The following SHC4 variants were observed in gnomAD, a reference collection of about 807,000 sequenced individuals.
SHC4 encodes the protein SHC-transforming protein 4.
SHC4 carries 41 observed loss-of-function variants against 69.4 expected under a neutral mutation model. That is an observed-to-expected ratio of 0.59 (90% CI 0.46 to 0.77). The LOEUF (loss-of-function observed/expected upper bound fraction) is 0.77, where lower values mean the gene tolerates loss of function less well. SHC4 is among the 30% of genes least tolerant of loss of function. The pLI is 0.00. For synonymous variants in SHC4, 318 were observed against 299.3 expected (o/e 1.06, Z -0.64); for missense variants, 777 against 783.8 (o/e 0.99, Z 0.10).
In SHC4 at chr15:48,851,239, A is replaced by C. The variant is rs1184824874; in HGVS notation, c.1252T>G (p.Ser418Ala). ...TTCTCATATACACTGCTGCACTTGG[A>C]GTTTCCAGGCTGCATGAACAACAAA... ...CEKLCYLPGN[S>A]KCSSVYENCL... The change falls in exon 9 of 12, where the codon TCC (serine) becomes GCC (alanine). Residue 418 changes from serine to alanine, a missense_variant. Physicochemically the swap from Ser to Ala is moderately conservative, Grantham distance 99. Coordinates refer to ENST00000332408, the MANE Select transcript of SHC4 (RefSeq NM_203349.4). 1 of 1,614,114 alleles carries C rather than the reference A, an allele frequency of 6.2e-7. No individual in the cohort carries two copies. The highest frequency in any genetic ancestry group is 1.7e-5 in the Admixed American group (1 of 60,022).
intron 8 of SHC4, 49 bp downstream of exon 8, chr15:48,855,904 A>T: frequency 1.9e-6 from 3 of 1,542,144 alleles, no homozygotes; most frequent in Non-Finnish European, 2.6e-6. Flanking sequence ...CTCTAGTGAT[A>T]AGGGCAGAAT....
In SHC4 at chr15:48,862,022, T is replaced by C. The variant is rs150715117; in HGVS notation, c.947-4207A>G. On this transcript the variant is annotated intron_variant, in intron 6 of 11. Coordinates refer to ENST00000332408, the MANE Select transcript of SHC4 (RefSeq NM_203349.4). ...TCAGGTCAACCACCAGATGGTGCTA[T>C]GGGATCAAAGCAGGGAGTCCTCCAT... 6.0e-3 allele frequency among the ~76,000 whole-genome samples: 917 copies of C among 152,258 alleles called. 6 individuals carry two copies. Among genetic ancestry groups the C allele is most frequent in the African/African-American group, 0.018 (763 of 41,538 alleles).
chr15:48,845,502 T>G (rs1454356270), intron 9 of SHC4, among the ~76,000 whole-genome samples: 1 of 152,196 alleles, frequency 6.6e-6, no homozygotes, highest in Non-Finnish European at 1.5e-5. Flanking sequence ...GATTTATAAG[T>G]TATATTATCT....
At chr15:48,867,974 T>C in intron 5 of SHC4, 105 bp from the exon 6 acceptor site, 2 of 874,714 alleles carry the variant, frequency 2.3e-6, no homozygotes, top group Non-Finnish European at 3.6e-6. Flanking sequence ...AATACAAATG[T>C]TTTTTATTTA....
intron 1 of SHC4, among the ~76,000 whole-genome samples, chr15:48,937,464 G>A (rs1901092223): frequency 6.6e-6 from 1 of 152,122 alleles, no homozygotes; most frequent in Non-Finnish European, 1.5e-5. Context: ...ATCTTTTGAT[G>A]TTTAAAGCTG....
chr15:48,910,995 A>G (rs1240477581), intron 2 of SHC4, among the ~76,000 whole-genome samples: 3 of 152,278 alleles, frequency 2.0e-5, no homozygotes, highest in Non-Finnish European at 2.9e-5. Context: ...CTCATGGTCT[A>G]TCTTGGAGAA....
chr15:48,840,668 C>T (rs1010323671), intron 10 of SHC4, among the ~76,000 whole-genome samples: 4 of 152,172 alleles, frequency 2.6e-5, no homozygotes, highest in African/African-American at 9.7e-5. Flanking sequence ...TATTACTAGA[C>T]AGGTGCTTTA....
chr15:48,851,025 G>A (rs1899203094), intron 9 of SHC4, among the ~76,000 whole-genome samples, 163 bp downstream of exon 9: 1 of 152,190 alleles, frequency 6.6e-6, no homozygotes, highest in African/African-American at 2.4e-5. Context: ...TGACACATAT[G>A]CAACATTCTG....
intron 1 of SHC4, among the ~76,000 whole-genome samples, chr15:48,934,771 G>A (rs1284390525): frequency 3.3e-5 from 5 of 152,134 alleles, no homozygotes; most frequent in Middle Eastern, 3.2e-3. Flanking sequence ...GCAATAAAAA[G>A]CGATCAAGTA....
chr15:48,928,397 G>T (rs1900894551), intron 1 of SHC4, among the ~76,000 whole-genome samples: 2 of 152,040 alleles, frequency 1.3e-5, no homozygotes, highest in African/African-American at 4.8e-5. Flanking sequence ...GGAAAGGAGA[G>T]TACAGAACAG....
intron 6 of SHC4, among the ~76,000 whole-genome samples, chr15:48,859,940 G>T (rs10851471): frequency 0.31 from 46,365 of 151,846 alleles, 8,310 homozygotes; most frequent in Middle Eastern, 0.48. Context: ...GGAGGGAGGA[G>T]AGAGGTTCAC....
At chr15:48,934,694 C>T (rs1034653392) in intron 1 of SHC4, among the ~76,000 whole-genome samples, 3 of 152,020 alleles carry the variant, frequency 2.0e-5, no homozygotes, top group African/African-American at 4.8e-5. Context: ...TAGAAATAAC[C>T]CAAATATCCA....
intron 1 of SHC4, among the ~76,000 whole-genome samples, chr15:48,956,060 C>G (rs1901448989): frequency 6.6e-6 from 1 of 152,152 alleles, no homozygotes; most frequent in Non-Finnish European, 1.5e-5. Context: ...GAGAGAAGAA[C>G]AGGGGAACGG....
intron 6 of SHC4, among the ~76,000 whole-genome samples, chr15:48,859,377 T>C (rs1166641698): frequency 6.6e-6 from 1 of 150,700 alleles, no homozygotes; most frequent in Non-Finnish European, 1.5e-5. Flanking sequence ...AATCAAACAA[T>C]GCTAAGGTAT....
chr15:48,916,862 A>C (rs186928323), intron 2 of SHC4, among the ~76,000 whole-genome samples: 1 of 152,238 alleles, frequency 6.6e-6, no homozygotes, highest in Non-Finnish European at 1.5e-5. Flanking sequence ...TACAAGTTAC[A>C]TGTGTAAGGC....
At chr15:48,886,710 A>G (rs1595745889) in intron 3 of SHC4, among the ~76,000 whole-genome samples, 1 of 152,374 alleles carries the variant, frequency 6.6e-6, no homozygotes, top group African/African-American at 2.4e-5. Flanking sequence ...GGAAATGCAT[A>G]GTATACAGCG....
chr15:48,893,560 G>A (rs1055654169), intron 2 of SHC4, among the ~76,000 whole-genome samples: 4 of 152,124 alleles, frequency 2.6e-5, no homozygotes, highest in African/African-American at 4.8e-5. Context: ...CCCTGGATCC[G>A]ATAATTCACA....
At chr15:48,845,751 C>T (rs901466111) in intron 9 of SHC4, among the ~76,000 whole-genome samples, 2 of 151,930 alleles carry the variant, frequency 1.3e-5, no homozygotes, top group African/African-American at 4.8e-5. Flanking sequence ...GCATACTAGA[C>T]CTTGAGATAT....
chr15:48,875,468 G>C (rs1160166541), intron 4 of SHC4, among the ~76,000 whole-genome samples: 1 of 152,254 alleles, frequency 6.6e-6, no homozygotes, highest in Non-Finnish European at 1.5e-5. Flanking sequence ...ACTTTCAGGA[G>C]AGGCTGCAGT....
Sources: allele counts gnomAD v4.1 joint callset (sites outside exome capture counted in the v4.1 genomes callset), GRCh38; gene constraint gnomAD v4.1.1; transcripts MANE v1.5; gene names NCBI Gene and HGNC (gene_info 2026-07-23, HGNC 2026-07-21).